SYCE3: variants seen among roughly 807,000 people sequenced by gnomAD.
The protein encoded by SYCE3 is testis highly expressed gene 2 protein.
SYCE3 carries 3 observed loss-of-function variants against 8.1 expected under a neutral mutation model. The ratio of observed to expected loss-of-function variants is 0.37; its 90% confidence interval spans 0.17 to 0.96. SYCE3 has a LOEUF of 0.96. Among genes scored for constraint, SYCE3 ranks in the 40% least tolerant of loss-of-function variants. SYCE3 has a pLI of 0.41. For missense variants in SYCE3, 83 were observed against 110.0 expected, an observed-to-expected ratio of 0.75 and a Z score of 1.10; for synonymous variants, 36 against 38.7, an observed-to-expected ratio of 0.93 and a Z score of 0.26.
At chr22:50,557,877 T>A (rs2069876405) in intron 1 of SYCE3, among the ~76,000 whole-genome samples, 2 of 152,144 alleles carry the variant, frequency 1.3e-5, no homozygotes, top group South Asian at 4.1e-4. Context: ...TGGTCTTTAC[T>A]TCAGAGTTAA....
At chr22:50,555,344 G>T (rs1229455120) in intron 2 of SYCE3, among the ~76,000 whole-genome samples, 1 of 151,944 alleles carries the variant, frequency 6.6e-6, no homozygotes, top group East Asian at 1.9e-4. Flanking sequence ...CTGCTCTAGT[G>T]AATAAAAGCT....
At chr22:50,556,447 C>T (rs1474087006) in intron 1 of SYCE3, 42 bp from the exon 2 acceptor site, 4 of 1,370,980 alleles carry the variant, frequency 2.9e-6, no homozygotes, top group Non-Finnish European at 2.0e-6. Context: ...GACAGACCTA[C>T]ATTTCAAATC....
intron 1 of SYCE3, among the ~76,000 whole-genome samples, chr22:50,562,114 G>A (rs62239537): frequency 0.1 from 635 of 6,292 alleles, 70 homozygotes; most frequent in South Asian, 0.19. Flanking sequence ...GCGGGGGAGG[G>A]GTGAGGCGGG....
chr22:50,551,165 T>A lies in SYCE3; in HGVS notation c.*80A>T. 1.3e-6 allele frequency: 2 copies of A among 1,503,656 alleles called. No homozygotes were observed. The highest frequency in any genetic ancestry group is 1.8e-6 in the Non-Finnish European group (2 of 1,112,668). 93.1% of individuals were successfully genotyped at this position (1,503,656 alleles called of 1,614,324 possible). A position where few individuals can be genotyped will look rare whatever the true frequency, so the allele number is the denominator to read the frequency against. Reference sequence around the variant, plus strand: ...CAAGTACAGTGCATACAGCTATTCATGTGGGTGCCAGCTCCATCCCCCAGT... The same window carrying A: ...CAAGTACAGTGCATACAGCTATTCAAGTGGGTGCCAGCTCCATCCCCCAGT... On this transcript the variant is annotated 3_prime_UTR_variant, in exon 3 of 3. Transcript: ENST00000406915.
chr22:50,559,153 G>A (rs2069889582), intron 1 of SYCE3, among the ~76,000 whole-genome samples: 1 of 150,416 alleles, frequency 6.6e-6, no homozygotes, highest in African/African-American at 2.5e-5. Context: ...TTGAGACGGA[G>A]TCTCACTCTG....
At chr22:50,557,546 C>T (rs1285713877) in intron 1 of SYCE3, among the ~76,000 whole-genome samples, 1 of 152,072 alleles carries the variant, frequency 6.6e-6, no homozygotes, top group East Asian at 1.9e-4. Context: ...ATATACTGTT[C>T]AGCACAGTAC....
At chr22:50,558,370 G>A (rs150951494) in intron 1 of SYCE3, among the ~76,000 whole-genome samples, 141 of 152,112 alleles carry the variant, frequency 9.3e-4, no homozygotes, top group Admixed American at 2.8e-3. Context: ...GGTGGAGGTT[G>A]CAGTGAGCCG....
rs77617921 is a variant in SYCE3, at chr22:50,552,701, G to A, written c.110-1299C>T. Among the ~76,000 whole-genome samples the A allele has an allele frequency of 2.1e-3, 319 of 152,296 alleles. 2 individuals carry two copies. The highest frequency in any genetic ancestry group is 6.8e-3 in the African/African-American group (284 of 41,552). ...TATATGTAAACTGCCTGGCACACAT[G>A]TTATGGACTGAATGTGTCCCTCCCA... On this transcript the variant is annotated intron_variant, in intron 2 of 2. Coordinates refer to ENST00000406915, the MANE Select transcript of SYCE3 (RefSeq NM_001123225.3).
intron 1 of SYCE3, among the ~76,000 whole-genome samples, chr22:50,560,861 G>T (rs930603999): frequency 6.6e-6 from 1 of 152,162 alleles, no homozygotes; most frequent in Non-Finnish European, 1.5e-5. Context: ...AGAGGTCAAG[G>T]TAGGATGGCA....
At chr22:50,555,923 A>G (rs2148698843) in intron 2 of SYCE3, among the ~76,000 whole-genome samples, 2 of 151,620 alleles carry the variant, frequency 1.3e-5, no homozygotes, top group South Asian at 4.2e-4. Context: ...CCTCCCGAGT[A>G]GCTGGGACTA....
chr22:50,555,842 G>T (rs2069855170), intron 2 of SYCE3, among the ~76,000 whole-genome samples: 1 of 148,242 alleles, frequency 6.7e-6, no homozygotes, highest in Non-Finnish European at 1.5e-5. Flanking sequence ...CGCCCAGGCT[G>T]GAGTGCAGTG....
chr22:50,556,252 T>C, intron 2 of SYCE3, 45 bp downstream of exon 2: 1 of 1,394,470 alleles, frequency 7.2e-7, no homozygotes, highest in Non-Finnish European at 9.9e-7. Context: ...ACTTTCTAAA[T>C]TGATTGAGAC....
rs908926573 is a variant in SYCE3 at position 50,556,322 on chromosome 22, T to C, written c.84A>G (p.Leu28=). The C allele has an allele frequency of 3.5e-5, 54 of 1,551,846 alleles. No homozygotes were observed. The highest frequency in any genetic ancestry group is 4.3e-5 in the Non-Finnish European group (49 of 1,146,968). The part of the protein sequence containing the change: ...LSDLNKDLEK[L]LEEMEKISVQ... Reference sequence around the variant, plus strand: ...CTGAGATTTTCTCCATCTCTTCTAATAGCTTTTCCAAGTCCTTATTCAGAT... The same window carrying C: ...CTGAGATTTTCTCCATCTCTTCTAACAGCTTTTCCAAGTCCTTATTCAGAT... Residue 28 remains leucine, a synonymous_variant, in exon 2 of 3, where the codon CTA becomes CTG. Transcript: ENST00000406915.
chr22:50,556,367 G>A lies in SYCE3; in HGVS notation c.39C>T (p.Asn13=). 1 of 1,552,030 alleles carries A rather than the reference G, an allele frequency of 6.4e-7. No individual in the cohort carries two copies. Among genetic ancestry groups the A allele is most frequent in the Non-Finnish European group, 8.7e-7 (1 of 1,147,076 alleles). ...DADPEERNYD[N]MLKMLSDLNK... is the part of the protein sequence containing the mutation. ...TCAGATCTGACAGCATTTTCAGCAT[G>A]TTGTCATAGTTTCTTTCCTCAGGGT... The change falls in exon 2 of 3, where the codon AAC becomes AAT. Residue 13 remains asparagine (N), a synonymous_variant. Transcript: ENST00000406915.
At chr22:50,556,201 G>A (rs1481013580) in intron 2 of SYCE3, 96 bp downstream of exon 2, 1 of 829,294 alleles carries the variant, frequency 1.2e-6, no homozygotes, top group Non-Finnish European at 1.9e-6. Flanking sequence ...AGGACCTCCT[G>A]AGGCTGTGTC....
chr22:50,554,693 C>CAA lies in SYCE3; in HGVS notation c.109+1602_109+1603dup, dbSNP rs35905749. Reference sequence around the variant, plus strand: ...TGGACGACAGAGCAAGACTCCGTCTCAAAAAAAAAAAAAAAAAAAGGCCAG... The same window carrying CAA: ...TGGACGACAGAGCAAGACTCCGTCTCAAAAAAAAAAAAAAAAAAAAAGGCCAG... On this transcript the variant is annotated intron_variant, in intron 2 of 2. Transcript: ENST00000406915. Among the ~76,000 whole-genome samples the CAA allele has an allele frequency of 3.1e-3, 240 of 78,290 alleles. 3 individuals are homozygous for CAA. Among genetic ancestry groups the CAA allele is most frequent in the East Asian group, 8.0e-3 (25 of 3,122 alleles). The allele number at this position is 78,290 out of a possible 152,430, so 51.4% of individuals were successfully genotyped here.
chr22:50,561,041 T>C (rs761089857), intron 1 of SYCE3, among the ~76,000 whole-genome samples: 10 of 152,172 alleles, frequency 6.6e-5, no homozygotes, highest in African/African-American at 9.7e-5. Context: ...ATGGCCACAG[T>C]GTCCTCAGGA....
Position 50,551,201 on chromosome 22 carries a change from T to C in SYCE3, c.*44A>G. The C allele has an allele frequency of 6.5e-7, 1 of 1,545,380 alleles. No individual in the cohort carries two copies. Among genetic ancestry groups the C allele is most frequent in the Non-Finnish European group, 8.7e-7 (1 of 1,142,894 alleles). ...GCTCCATCCCCCAGTGACCTCTTCA[T>C]ACGGGCAGAGGGTGGCATGGCAGCT... On this transcript the variant is annotated 3_prime_UTR_variant, in exon 3 of 3. Coordinates refer to ENST00000406915, the MANE Select transcript of SYCE3 (RefSeq NM_001123225.3).
At chr22:50,561,501 G>C (rs1008830815) in intron 1 of SYCE3, among the ~76,000 whole-genome samples, 1 of 151,490 alleles carries the variant, frequency 6.6e-6, no homozygotes, top group African/African-American at 2.4e-5. Flanking sequence ...CTTAGGATGG[G>C]TGGCGGAAGT....
Sources: allele counts gnomAD v4.1 joint callset (sites outside exome capture counted in the v4.1 genomes callset), GRCh38; gene constraint gnomAD v4.1.1; transcripts MANE v1.5; gene names NCBI Gene and HGNC (gene_info 2026-07-23, HGNC 2026-07-21).